SLC25A48: variants seen among roughly 807,000 people sequenced by gnomAD.
SLC25A48 encodes solute carrier family 25 member 48, also known as CTC-321K16.1.
In SLC25A48, 29 loss-of-function variants were observed where a neutral mutation model predicts 32.2. The ratio of observed to expected loss-of-function variants is 0.90; its 90% confidence interval spans 0.67 to 1.23. The LOEUF is 1.23. Ranked by LOEUF, SLC25A48 falls within the 50% of genes most tolerant of loss-of-function variation. The pLI, the probability that SLC25A48 is intolerant of heterozygous loss-of-function variation, is 0.00. For missense variants in SLC25A48, 399 were observed against 422.7 expected (o/e 0.94, Z 0.49); for synonymous variants, 164 against 172.3 (o/e 0.95, Z 0.38).
At chr5:135,586,940 A>G (rs957189594) in intron 1 of SLC25A48, among the ~76,000 whole-genome samples, 1 of 152,200 alleles carries the variant, frequency 6.6e-6, no homozygotes, top group Non-Finnish European at 1.5e-5. Context: ...CTGCTGGACG[A>G]AAGAAGGATG....
intron 2 of SLC25A48, among the ~76,000 whole-genome samples, chr5:135,845,971 C>T (rs1053293856): frequency 6.6e-6 from 1 of 152,142 alleles, no homozygotes; most frequent in Non-Finnish European, 1.5e-5. Context: ...CCAGGGGTCC[C>T]CAACTCCTAT....
intron 3 of SLC25A48, among the ~76,000 whole-genome samples, chr5:135,717,332 C>T (rs1034842360): frequency 2.0e-5 from 3 of 152,182 alleles, no homozygotes; most frequent in African/African-American, 7.2e-5. Flanking sequence ...TCGCCACAGG[C>T]CACATCTGTG....
intron 1 of SLC25A48, among the ~76,000 whole-genome samples, chr5:135,839,854 G>T (rs796167385): frequency 6.6e-5 from 10 of 152,256 alleles, no homozygotes; most frequent in African/African-American, 2.4e-4. Flanking sequence ...TTATAAAATG[G>T]TGTTCCCCAA....
chr5:135,832,028 A>G (rs1169706683), upstream of SLC25A48, among the ~76,000 whole-genome samples: 2 of 152,204 alleles, frequency 1.3e-5, no homozygotes, highest in African/African-American at 2.4e-5. Flanking sequence ...ATGGCATCCA[A>G]GGTTCTGTTT....
chr5:135,593,243 G>T (rs912899529), intron 1 of SLC25A48, among the ~76,000 whole-genome samples: 1 of 152,162 alleles, frequency 6.6e-6, no homozygotes, highest in Non-Finnish European at 1.5e-5. Flanking sequence ...GAGGTCAGAA[G>T]CCAGGACTTC....
At position 135,679,347 on chromosome 5, in the gene SLC25A48, C is replaced by T. The variant is rs144996648; in HGVS notation, c.-521+44391C>T. On this transcript the variant is annotated intron_variant, in intron 3 of 10. Transcript: ENST00000646290. ...CCCTGGACAGCATGTCTGGGCACTGCGAGGGCCGAGCTGGGCCAGGTGGAT... is the reference window on the plus strand; with the variant it reads ...CCCTGGACAGCATGTCTGGGCACTGTGAGGGCCGAGCTGGGCCAGGTGGAT... 1.7e-3 allele frequency among the ~76,000 whole-genome samples: 255 copies of T among 152,206 alleles called. 1 individual carries two copies. The highest frequency in any genetic ancestry group is 4.4e-3 in the South Asian group (21 of 4,816).
intron 3 of SLC25A48, among the ~76,000 whole-genome samples, chr5:135,640,172 G>A (rs1430463058): frequency 1.3e-5 from 2 of 152,120 alleles, no homozygotes; most frequent in South Asian, 2.1e-4. Flanking sequence ...GACTGTGGAC[G>A]AAAGGGCCAG....
intron 3 of SLC25A48, among the ~76,000 whole-genome samples, chr5:135,658,827 T>C (rs1753317646): frequency 6.6e-6 from 1 of 152,246 alleles, no homozygotes; most frequent in Admixed American, 6.5e-5. Context: ...AGCAACAGTC[T>C]GAGTTATACT....
intron 3 of SLC25A48, among the ~76,000 whole-genome samples, chr5:135,756,923 T>C (rs1029086847): frequency 1.5e-4 from 22 of 151,174 alleles, no homozygotes; most frequent in Middle Eastern, 7.6e-3. Context: ...GTGATAGTAA[T>C]AAAATATCAT....
chr5:135,689,814 C>T (rs1754102718), intron 3 of SLC25A48, among the ~76,000 whole-genome samples: 1 of 152,200 alleles, frequency 6.6e-6, no homozygotes, highest in African/African-American at 2.4e-5. Flanking sequence ...GTGATCTTCC[C>T]ATCATGGAAA....
intron 3 of SLC25A48, among the ~76,000 whole-genome samples, chr5:135,726,991 C>T (rs1755105120): frequency 6.6e-6 from 1 of 152,076 alleles, no homozygotes; most frequent in South Asian, 2.1e-4. Flanking sequence ...CAGTTTTAGC[C>T]TTTCTGACAG....
At chr5:135,802,656 T>C (rs1267513999) in intron 3 of SLC25A48, among the ~76,000 whole-genome samples, 1 of 151,548 alleles carries the variant, frequency 6.6e-6, no homozygotes, top group African/African-American at 2.4e-5. Flanking sequence ...ATATTATTCA[T>C]AATATCCTAG....
At chr5:135,865,693 A>G (rs1021731523) in intron 4 of SLC25A48, among the ~76,000 whole-genome samples, 1 of 152,186 alleles carries the variant, frequency 6.6e-6, no homozygotes. Flanking sequence ...CACTAAGGGC[A>G]AAACAACACA....
chr5:135,716,742 C>T (rs75269225), intron 3 of SLC25A48, among the ~76,000 whole-genome samples: 1,681 of 152,290 alleles, frequency 0.011, 25 homozygotes, highest in Middle Eastern at 0.027. Context: ...GGGTCTGAAG[C>T]CTTAAATTAC....
intron 2 of SLC25A48, among the ~76,000 whole-genome samples, chr5:135,634,507 T>A (rs1415263153): frequency 6.6e-6 from 1 of 152,196 alleles, no homozygotes; most frequent in Non-Finnish European, 1.5e-5. Flanking sequence ...GGGCCCTACC[T>A]TCCAGGAGCT....
At position 135,801,496 on chromosome 5, in the gene SLC25A48, C is replaced by A. The variant is rs566187795; in HGVS notation, c.-520-11027C>A. Among the ~76,000 whole-genome samples the A allele has an allele frequency of 5.3e-5, 8 of 150,778 alleles. No homozygotes were observed. In the South Asian group the frequency reaches 1.5e-3, roughly 28 times the overall value. On this transcript the variant is annotated intron_variant, in intron 3 of 10. Transcript: ENST00000646290. Reference sequence around the variant, plus strand: ...CTCCCAATATCACAGGGTGTGTAAACCCCCTGTGATGTTGTTAATAATATT... The same window carrying A: ...CTCCCAATATCACAGGGTGTGTAAAACCCCTGTGATGTTGTTAATAATATT...
intron 4 of SLC25A48, among the ~76,000 whole-genome samples, chr5:135,813,948 G>T (rs1360669357): frequency 6.6e-6 from 1 of 152,136 alleles, no homozygotes; most frequent in African/African-American, 2.4e-5. Flanking sequence ...GTGAATCCCC[G>T]AGAAAGAAAA....
rs138387748 is a variant in SLC25A48 at position 135,723,380 on chromosome 5, T to TCACACACACACACACACACACACA, written c.-521+88435_-521+88458dup. ...GTCTCTCACTCTCTCTCTCTCTCTC[T>TCACACACACACACACACACACACA]CACACACACACACACACACACACAC... is the stretch of plus-strand genomic sequence containing the variant. On this transcript the variant is annotated intron_variant, in intron 3 of 10. Transcript: ENST00000646290. 6.2e-3 allele frequency among the ~76,000 whole-genome samples: 687 copies of TCACACACACACACACACACACACA among 111,702 alleles called. 9 individuals carry two copies. Among genetic ancestry groups the TCACACACACACACACACACACACA allele is most frequent in the Admixed American group, 9.9e-3 (106 of 10,730 alleles). 73.3% of individuals were successfully genotyped at this position (111,702 alleles called of 152,430 possible).
At position 135,617,542 on chromosome 5, in the gene SLC25A48, A is replaced by G. The variant is rs190329643; in HGVS notation, c.-848-11695A>G. Among the ~76,000 whole-genome samples, 562 of 151,946 alleles carry G rather than the reference A, an allele frequency of 3.7e-3. 2 individuals are homozygous for G. The highest frequency in any genetic ancestry group is 4.9e-3 in the Non-Finnish European group (331 of 67,898). On this transcript the variant is annotated intron_variant, in intron 1 of 10. Transcript: ENST00000646290. Reference sequence around the variant, plus strand: ...CATTTTTGGTTAGTTGAGGTTTACCATTAGATTATTTGAAATCTTTCTACT... The same window carrying G: ...CATTTTTGGTTAGTTGAGGTTTACCGTTAGATTATTTGAAATCTTTCTACT...
Sources: gnomAD v4.1 joint callset for allele counts (sites outside exome capture counted in the v4.1 genomes callset) on GRCh38, gnomAD v4.1.1 for gene constraint, MANE v1.5 for transcripts, NCBI Gene and HGNC (gene_info 2026-07-23, HGNC 2026-07-21) for gene names.